MDFIC2: variants seen among roughly 807,000 people sequenced by gnomAD.
MDFIC2 encodes MyoD family inhibitor domain containing 2.
chr3:70,255,655 CATT>C (rs1701809036), intron 2 of MDFIC2, among the ~76,000 whole-genome samples: 1 of 152,014 alleles, frequency 6.6e-6, no homozygotes, highest in South Asian at 2.1e-4. Flanking sequence ...GGTGGGGTCT[CATT>C]ATGTTGCACA....
chr3:70,225,581 C>A (rs574708912), intron 2 of MDFIC2, among the ~76,000 whole-genome samples: 8 of 151,780 alleles, frequency 5.3e-5, no homozygotes, highest in African/African-American at 1.9e-4. Flanking sequence ...GCTTCAAAAT[C>A]CTTTTCTCTG....
At chr3:70,212,294 T>C (rs2106729806) in intron 2 of MDFIC2, among the ~76,000 whole-genome samples, 1 of 152,296 alleles carries the variant, frequency 6.6e-6, no homozygotes, top group South Asian at 2.1e-4. Context: ...GGACATTTTT[T>C]GTGGGTAACT....
In MDFIC2 at chr3:70,303,740, G is replaced by T. The variant is rs1010496734; in HGVS notation, c.88+8146C>A. On this transcript the variant is annotated intron_variant, in intron 2 of 3. Coordinates refer to ENST00000567252, the MANE Select transcript of MDFIC2 (RefSeq NM_001364677.1). Reference sequence around the variant, plus strand: ...TCTGTTGCCCAGGCTGAAGTGCAGTGGTGTGATCCTGGCTCACTGCAACCT... The same window carrying T: ...TCTGTTGCCCAGGCTGAAGTGCAGTTGTGTGATCCTGGCTCACTGCAACCT... Among the ~76,000 whole-genome samples the T allele has an allele frequency of 2.6e-5, 4 of 152,096 alleles. No individual in the cohort carries two copies. In the South Asian group the frequency reaches 6.2e-4, roughly 24 times the overall value.
intron 2 of MDFIC2, among the ~76,000 whole-genome samples, chr3:70,265,066 C>T (rs1424876317): frequency 1.3e-5 from 2 of 152,126 alleles, no homozygotes; most frequent in Admixed American, 1.3e-4. Flanking sequence ...ATCACAAGAA[C>T]AGCGCAGGAA....
At chr3:70,296,330 G>T (rs947875902) in intron 2 of MDFIC2, among the ~76,000 whole-genome samples, 2 of 151,974 alleles carry the variant, frequency 1.3e-5, no homozygotes, top group Non-Finnish European at 2.9e-5. Context: ...CTAAGTAAGA[G>T]ACTGAAACAG....
chr3:70,298,011 C>G (rs1014647259), intron 2 of MDFIC2, among the ~76,000 whole-genome samples: 1 of 151,902 alleles, frequency 6.6e-6, no homozygotes, highest in Admixed American at 6.6e-5. Flanking sequence ...CTAAATATAA[C>G]AAGGAAAATC....
intron 2 of MDFIC2, among the ~76,000 whole-genome samples, chr3:70,261,084 G>T (rs1701861226): frequency 6.6e-6 from 1 of 152,108 alleles, no homozygotes; most frequent in African/African-American, 2.4e-5. Context: ...TTTATTTAAA[G>T]TTCAATTCCA....
At chr3:70,221,681 C>T (rs1701461881) in intron 2 of MDFIC2, among the ~76,000 whole-genome samples, 2 of 152,088 alleles carry the variant, frequency 1.3e-5, no homozygotes, top group African/African-American at 4.8e-5. Flanking sequence ...GTCAATGATG[C>T]CAAGGTTCAA....
At position 70,236,124 on chromosome 3, in the gene MDFIC2, T is replaced by C. The variant is rs564635884; in HGVS notation, c.89-29334A>G. On this transcript the variant is annotated intron_variant, in intron 2 of 3. Transcript: ENST00000567252. ...TCCCTTGCTAACCTAACTTATTCTC[T>C]AATGACCTGTTGACCTTATTCATTC... Among the ~76,000 whole-genome samples, 5 of 152,338 alleles carry C rather than the reference T, an allele frequency of 3.3e-5. No homozygotes were observed. The East Asian group carries it at 9.7e-4, about 29-fold the overall frequency.
chr3:70,250,962 G>A (rs528121215), intron 2 of MDFIC2, among the ~76,000 whole-genome samples: 7 of 152,308 alleles, frequency 4.6e-5, no homozygotes, highest in African/African-American at 1.7e-4. Context: ...AAACTATTAA[G>A]TAATGACATC....
At position 70,214,659 on chromosome 3, in the gene MDFIC2, C is replaced by T. The variant is rs933415146; in HGVS notation, c.89-7869G>A. On this transcript the variant is annotated intron_variant, in intron 2 of 3. Coordinates refer to ENST00000567252, the MANE Select transcript of MDFIC2 (RefSeq NM_001364677.1). ...TGGATAATTACTTCAGTTTTCTGCC[C>T]GCCACTATACTTTGCACCTGTAGAC... Among the ~76,000 whole-genome samples, 61 of 150,744 alleles carry T rather than the reference C, an allele frequency of 4.0e-4. 1 individual carries two copies. Among genetic ancestry groups the T allele is most frequent in the Non-Finnish European group, 4.1e-4 (28 of 67,790 alleles).
intron 2 of MDFIC2, among the ~76,000 whole-genome samples, chr3:70,237,749 G>C (rs1289255985): frequency 6.6e-6 from 1 of 152,204 alleles, no homozygotes; most frequent in Non-Finnish European, 1.5e-5. Context: ...AATGGGCTTT[G>C]AATAATGTGC....
intron 2 of MDFIC2, among the ~76,000 whole-genome samples, chr3:70,269,619 T>G (rs554077366): frequency 5.9e-5 from 9 of 152,202 alleles, no homozygotes; most frequent in Non-Finnish European, 1.2e-4. Flanking sequence ...TTTTCTTTGT[T>G]CAATTAAATT....
intron 2 of MDFIC2, among the ~76,000 whole-genome samples, chr3:70,284,629 A>G (rs1230483736): frequency 3.3e-5 from 5 of 152,172 alleles, no homozygotes; most frequent in African/African-American, 1.2e-4. Context: ...CATCTTCCTT[A>G]GAAATTAACA....
chr3:70,288,159 A>C (rs1372960729), intron 2 of MDFIC2, among the ~76,000 whole-genome samples: 22 of 142,566 alleles, frequency 1.5e-4, no homozygotes, highest in African/African-American at 5.3e-4. Flanking sequence ...TTAGGGTGTC[A>C]ATTTTGGATC....
chr3:70,279,649 T>C (rs905447889), intron 2 of MDFIC2, among the ~76,000 whole-genome samples: 1 of 152,172 alleles, frequency 6.6e-6, no homozygotes, highest in Non-Finnish European at 1.5e-5. Flanking sequence ...CTGAGTCCTA[T>C]TTGCATTAAG....
chr3:70,306,355 C>T (rs1043845725), intron 2 of MDFIC2, among the ~76,000 whole-genome samples: 33 of 152,186 alleles, frequency 2.2e-4, no homozygotes, highest in African/African-American at 8.0e-4. Flanking sequence ...TCATGATCTA[C>T]CCGCCTCGGC....
chr3:70,287,945 C>G (rs1702185178), intron 2 of MDFIC2, among the ~76,000 whole-genome samples: 1 of 152,150 alleles, frequency 6.6e-6, no homozygotes, highest in African/African-American at 2.4e-5. Flanking sequence ...TGATTCTTCT[C>G]TCTTTTTTTC....
intron 2 of MDFIC2, among the ~76,000 whole-genome samples, chr3:70,253,615 C>T (rs573174023): frequency 6.6e-6 from 1 of 152,120 alleles, no homozygotes; most frequent in Non-Finnish European, 1.5e-5. Flanking sequence ...CCTAGCTAGT[C>T]AAGAGGCTAA....
Sources: allele counts gnomAD v4.1 joint callset (sites outside exome capture counted in the v4.1 genomes callset), GRCh38; gene constraint gnomAD v4.1.1; transcripts MANE v1.5; gene names NCBI Gene and HGNC (gene_info 2026-07-23, HGNC 2026-07-21).